Variants in SH3GL3 observed in about 807,000 individuals in gnomAD.
SH3GL3 encodes SH3 domain containing GRB2 like 3, endophilin A3.
SH3GL3 carries 33 observed loss-of-function variants against 47.7 expected under a neutral mutation model. The observed-to-expected ratio is 0.69, with a 90% CI of 0.52 to 0.92. The LOEUF (loss-of-function observed/expected upper bound fraction) is 0.92, where lower values mean the gene tolerates loss of function less well. Among genes scored for constraint, SH3GL3 ranks in the 40% least tolerant of loss-of-function variants. The pLI is 0.00. For missense variants in SH3GL3, 363 were observed against 417.8 expected (o/e 0.87, Z 1.14); for synonymous variants, 155 against 148.8 (o/e 1.04, Z -0.30).
In SH3GL3 at chr15:83,500,623, A is replaced by G. The variant is rs117442054; in HGVS notation, c.45+53045A>G. ...CGGAAGTGTTGGGTCTTTGGCTCCT[A>G]TGGTGAACCTCAACCAATGGGAGAG... On this transcript the variant is annotated intron_variant, in intron 1 of 8. Transcript: ENST00000427482. 4.9e-3 allele frequency among the ~76,000 whole-genome samples: 741 copies of G among 152,318 alleles called. 1 individual carries two copies. Among genetic ancestry groups the G allele is most frequent in the Non-Finnish European group, 6.9e-3 (471 of 68,016 alleles).
At chr15:83,561,564 T>C (rs889862705) in intron 2 of SH3GL3, among the ~76,000 whole-genome samples, 6 of 151,480 alleles carry the variant, frequency 4.0e-5, no homozygotes, top group African/African-American at 1.5e-4. Context: ...TCAATATGGA[T>C]AAAAAAAGAG....
chr15:83,581,820 T>C (rs1476377402), intron 6 of SH3GL3, among the ~76,000 whole-genome samples: 1 of 152,218 alleles, frequency 6.6e-6, no homozygotes, highest in Non-Finnish European at 1.5e-5. Flanking sequence ...CTGTAGCCTT[T>C]GGTTGTCTTG....
At chr15:83,584,292 C>G (rs192914694) in intron 6 of SH3GL3, among the ~76,000 whole-genome samples, 63 of 152,294 alleles carry the variant, frequency 4.1e-4, no homozygotes, top group Admixed American at 9.8e-4. Context: ...TCCTGTCTCC[C>G]CCTTAAAGGA....
intron 1 of SH3GL3, among the ~76,000 whole-genome samples, chr15:83,504,177 C>G (rs1733147721): frequency 6.6e-6 from 1 of 152,160 alleles, no homozygotes; most frequent in South Asian, 2.1e-4. Context: ...TACCTTGGAA[C>G]AGTGCATAGA....
At chr15:83,538,659 T>G (rs2151695405) in intron 1 of SH3GL3, among the ~76,000 whole-genome samples, 1 of 152,332 alleles carries the variant, frequency 6.6e-6, no homozygotes, top group African/African-American at 2.4e-5. Flanking sequence ...TCATTCAATG[T>G]TATGTCTGAA....
At chr15:83,525,628 T>C (rs1031028495) in intron 1 of SH3GL3, among the ~76,000 whole-genome samples, 1 of 152,154 alleles carries the variant, frequency 6.6e-6, no homozygotes, top group Non-Finnish European at 1.5e-5. Context: ...TCCCCTGAGT[T>C]TTCTTCTGGT....
At chr15:83,619,121 C>T (rs532432987), downstream of SH3GL3, among the ~76,000 whole-genome samples, 6 of 152,302 alleles carry the variant, frequency 3.9e-5, no homozygotes, top group South Asian at 2.1e-4. Flanking sequence ...GCCTACAGTA[C>T]GCACTAGTTA....
chr15:83,486,195 C>G (rs568169434), intron 1 of SH3GL3, among the ~76,000 whole-genome samples: 37 of 152,258 alleles, frequency 2.4e-4, no homozygotes, highest in African/African-American at 8.2e-4. Flanking sequence ...AACCAAAGAC[C>G]ATACATTGTA....
Position 83,568,648 on chromosome 15 carries a change from G to C in SH3GL3, c.307G>C (p.Glu103Gln). ...LGDCMLKYGKELGEDSTFGNA... is the reference protein window; with the variant it reads ...LGDCMLKYGKQLGEDSTFGNA... Reference sequence around the variant, plus strand: ...GGACTGTATGCTGAAATACGGGAAGGAGCTCGGGGAAGACTCCACCTTTGG... The same window carrying C: ...GGACTGTATGCTGAAATACGGGAAGCAGCTCGGGGAAGACTCCACCTTTGG... The change falls in exon 4 of 9, where the codon GAG becomes CAG. Residue 103 changes from glutamate (E) to glutamine (Q), a missense_variant. Transcript: ENST00000427482. 1 of 1,613,928 alleles carries C rather than the reference G, an allele frequency of 6.2e-7. No individual in the cohort carries two copies. Among genetic ancestry groups the C allele is most frequent in the South Asian group, 1.1e-5 (1 of 91,068 alleles).
intron 1 of SH3GL3, among the ~76,000 whole-genome samples, chr15:83,500,144 G>A (rs76044145): frequency 6.6e-6 from 1 of 152,124 alleles, no homozygotes; most frequent in Non-Finnish European, 1.5e-5. Context: ...CTAATCTCCA[G>A]TCAGTAACAT....
intron 8 of SH3GL3, chr15:83,611,735 G>A (rs995938931): frequency 8.5e-5 from 13 of 152,378 alleles, no homozygotes; most frequent in African/African-American, 3.1e-4. Flanking sequence ...GTTTTCAGCT[G>A]AGGTGCTGGC....
intron 8 of SH3GL3, among the ~76,000 whole-genome samples, chr15:83,603,819 T>C (rs919090471): frequency 6.6e-6 from 1 of 152,208 alleles, no homozygotes; most frequent in African/African-American, 2.4e-5. Flanking sequence ...GTTTTTCAAA[T>C]GTTTTGCCAT....
intron 6 of SH3GL3, among the ~76,000 whole-genome samples, chr15:83,586,728 GA>G (rs1457897797): frequency 2.0e-5 from 3 of 152,250 alleles, no homozygotes; most frequent in Admixed American, 2.0e-4. Context: ...CATCTAATTG[GA>G]AAAACAGGCA....
intron 8 of SH3GL3, among the ~76,000 whole-genome samples, chr15:83,606,449 A>T (rs2060518175): frequency 1.3e-5 from 2 of 152,178 alleles, no homozygotes; most frequent in Non-Finnish European, 1.5e-5. Flanking sequence ...AATATATGCA[A>T]TTTTTTTAAC....
At chr15:83,496,249 C>T (rs1035198002) in intron 1 of SH3GL3, among the ~76,000 whole-genome samples, 5 of 151,082 alleles carry the variant, frequency 3.3e-5, no homozygotes, top group African/African-American at 1.2e-4. Context: ...GTCTCAGCTA[C>T]TCGGGAGGCT....
intron 1 of SH3GL3, among the ~76,000 whole-genome samples, chr15:83,473,361 C>T (rs1773536806): frequency 6.6e-6 from 1 of 151,924 alleles, no homozygotes. Context: ...TCTAGGCCCC[C>T]ATTCATCCTT....
intron 1 of SH3GL3, among the ~76,000 whole-genome samples, chr15:83,558,944 G>A (rs775680458): frequency 2.6e-5 from 4 of 152,178 alleles, no homozygotes; most frequent in Non-Finnish European, 5.9e-5. Flanking sequence ...GAATGTTTGT[G>A]TGTTGACTCT....
chr15:83,521,448 G>A (rs1333526883), intron 1 of SH3GL3, among the ~76,000 whole-genome samples: 2 of 152,182 alleles, frequency 1.3e-5, no homozygotes, highest in Non-Finnish European at 2.9e-5. Flanking sequence ...GGATGGTGCT[G>A]AGGATGGGGA....
chr15:83,457,119 G>A (rs893230290), intron 1 of SH3GL3, among the ~76,000 whole-genome samples: 1 of 152,168 alleles, frequency 6.6e-6, no homozygotes, highest in Non-Finnish European at 1.5e-5. Context: ...AGGAAGTTCA[G>A]GGCACACCTA....
Sources: allele counts gnomAD v4.1 joint callset (sites outside exome capture counted in the v4.1 genomes callset), GRCh38; gene constraint gnomAD v4.1.1; transcripts MANE v1.5; gene names NCBI Gene and HGNC (gene_info 2026-07-23, HGNC 2026-07-21).